Variants in SGCD observed in about 807,000 individuals in gnomAD.
SGCD encodes the protein delta-sarcoglycan.
In SGCD, 18 loss-of-function variants were observed where a neutral mutation model predicts 36.6. The observed-to-expected ratio is 0.49, with a 90% CI of 0.34 to 0.73. The LOEUF (loss-of-function observed/expected upper bound fraction) is 0.73. Among genes scored for constraint, SGCD ranks in the 30% least tolerant of loss-of-function variants. The probability of loss-of-function intolerance (pLI) is 0.01; values close to 1 mark genes in which losing one functional copy is unlikely to be tolerated. For missense variants in SGCD, 387 were observed against 346.7 expected (o/e 1.12, Z -0.92); for synonymous variants, 133 against 130.6 (o/e 1.02, Z -0.12).
intron 3 of SGCD, among the ~76,000 whole-genome samples, chr5:156,252,268 G>T (rs1204535877): frequency 4.0e-5 from 6 of 151,678 alleles, no homozygotes; most frequent in Non-Finnish European, 1.5e-5. Flanking sequence ...GTAGAGATGG[G>T]GTTTCTCCAT....
chr5:155,923,921 G>A (rs1756941728), intron 1 of SGCD, among the ~76,000 whole-genome samples: 1 of 152,138 alleles, frequency 6.6e-6, no homozygotes, highest in Non-Finnish European at 1.5e-5. Context: ...TCAATTTAGA[G>A]TTCCCACACT....
At chr5:156,468,489 A>G (rs1247214168) in intron 3 of SGCD, among the ~76,000 whole-genome samples, 1 of 152,180 alleles carries the variant, frequency 6.6e-6, no homozygotes, top group Non-Finnish European at 1.5e-5. Context: ...CTAAAAGTAG[A>G]AATAATTATT....
intron 7 of SGCD, among the ~76,000 whole-genome samples, chr5:156,693,379 A>G (rs1033898938): frequency 9.2e-5 from 14 of 152,126 alleles, no homozygotes; most frequent in African/African-American, 3.4e-4. Flanking sequence ...CTGACTGCCT[A>G]TAGAGAAGGA....
chr5:156,460,088 G>A (rs1386509363), intron 3 of SGCD, among the ~76,000 whole-genome samples: 1 of 152,136 alleles, frequency 6.6e-6, no homozygotes, highest in Non-Finnish European at 1.5e-5. Context: ...AGGTCAATTA[G>A]AACAATGATG....
intron 3 of SGCD, among the ~76,000 whole-genome samples, chr5:156,490,148 G>A (rs1755871217): frequency 6.6e-6 from 1 of 151,962 alleles, no homozygotes; most frequent in African/African-American, 2.4e-5. Flanking sequence ...AATGAACAAA[G>A]ATTGAACCAG....
chr5:156,017,173 A>G (rs1759002287), intron 1 of SGCD, among the ~76,000 whole-genome samples: 1 of 152,214 alleles, frequency 6.6e-6, no homozygotes, highest in South Asian at 2.1e-4. Context: ...ATCTAAAAAT[A>G]TCTTTGTAAA....
intron 3 of SGCD, among the ~76,000 whole-genome samples, chr5:156,257,723 G>T (rs1765751182): frequency 6.6e-6 from 1 of 151,956 alleles, no homozygotes; most frequent in South Asian, 2.1e-4. Context: ...AATTAGTCAG[G>T]TGTGATAGGG....
rs537867446 is a variant in SGCD, at chr5:156,641,348, A to G, written c.503-6116A>G. Among the ~76,000 whole-genome samples the G allele has an allele frequency of 1.2e-4, 18 of 152,312 alleles. No individual in the cohort carries two copies. In the East Asian group the frequency reaches 3.5e-3, roughly 29 times the overall value. On this transcript the variant is annotated intron_variant, in intron 6 of 8. Transcript: ENST00000337851. ...TACAGAGACAAAAACTATATCTCAC[A>G]TATGTTGGAAATCTTTAAACAGTGG...
At chr5:156,304,809 G>T (rs767403626) in intron 3 of SGCD, among the ~76,000 whole-genome samples, 1 of 152,154 alleles carries the variant, frequency 6.6e-6, no homozygotes, top group Non-Finnish European at 1.5e-5. Context: ...AGTCTGAAGT[G>T]GTCTCAGATG....
intron 6 of SGCD, among the ~76,000 whole-genome samples, chr5:156,645,284 A>G (rs772079513): frequency 4.6e-5 from 7 of 152,154 alleles, no homozygotes; most frequent in Non-Finnish European, 8.8e-5. Context: ...AAAATTGAGA[A>G]TAATTCATTA....
intron 7 of SGCD, among the ~76,000 whole-genome samples, chr5:156,713,459 G>A (rs766851790): frequency 6.6e-6 from 1 of 151,852 alleles, no homozygotes; most frequent in Non-Finnish European, 1.5e-5. Context: ...TGGGAGTGAA[G>A]GGGTCCTGTT....
chr5:156,453,565 T>C (rs1416689791), intron 3 of SGCD, among the ~76,000 whole-genome samples: 1 of 152,194 alleles, frequency 6.6e-6, no homozygotes, highest in East Asian at 1.9e-4. Flanking sequence ...TTTTGCTCTC[T>C]GAGGGGACAT....
chr5:156,673,191 G>A (rs574941827), intron 7 of SGCD, among the ~76,000 whole-genome samples: 92 of 152,324 alleles, frequency 6.0e-4, no homozygotes, highest in African/African-American at 2.1e-3. Flanking sequence ...TTATGAAGGA[G>A]GGCTGTCAAA....
At chr5:156,248,610 C>T (rs529813664) in intron 3 of SGCD, among the ~76,000 whole-genome samples, 5 of 152,180 alleles carry the variant, frequency 3.3e-5, no homozygotes, top group East Asian at 1.9e-4. Context: ...TAGAAGCTAC[C>T]TCATGCTGGG....
chr5:156,578,472 T>C (rs1224955317), intron 4 of SGCD, among the ~76,000 whole-genome samples: 1 of 152,204 alleles, frequency 6.6e-6, no homozygotes, highest in Admixed American at 6.5e-5. Context: ...TTGATTGGAA[T>C]AGTTTCAGAA....
At position 156,760,068 on chromosome 5, in the gene SGCD, A is replaced by G. The variant is rs927270220; in HGVS notation, c.*678A>G. The G allele has an allele frequency of 1.3e-5, 2 of 152,174 alleles. No individual in the cohort carries two copies. The highest frequency in any genetic ancestry group is 6.5e-5 in the Admixed American group (1 of 15,280). The allele number at this position is 152,174 out of a possible 1,614,324, so 9.4% of individuals were successfully genotyped here. A position where few individuals can be genotyped will look rare whatever the true frequency, so the allele number is the denominator to read the frequency against. The stretch of plus-strand genomic sequence containing the variant: ...AATTTCAGCAAATTTTGAACTGCTC[A>G]CCCAACTTCTGCTATCTTGCTCCCT... On this transcript the variant is annotated 3_prime_UTR_variant, in exon 9 of 9. Coordinates refer to ENST00000337851, the MANE Select transcript of SGCD (RefSeq NM_000337.6).
intron 1 of SGCD, among the ~76,000 whole-genome samples, chr5:155,964,345 C>G (rs184324531): frequency 6.6e-6 from 1 of 151,974 alleles, no homozygotes; most frequent in Non-Finnish European, 1.5e-5. Context: ...CTTTAGCCTA[C>G]TAACTTTTTT....
At chr5:156,314,542 T>C (rs1767466010) in intron 3 of SGCD, among the ~76,000 whole-genome samples, 1 of 152,078 alleles carries the variant, frequency 6.6e-6, no homozygotes, top group African/African-American at 2.4e-5. Flanking sequence ...ATTATTATAG[T>C]GTCTACTCCA....
At chr5:156,215,041 T>C (rs534187716) in intron 3 of SGCD, among the ~76,000 whole-genome samples, 1 of 152,158 alleles carries the variant, frequency 6.6e-6, no homozygotes, top group Admixed American at 6.5e-5. Flanking sequence ...CCTCAAAATC[T>C]GAAACTTTTT....
Sources: gnomAD v4.1 joint callset for allele counts (sites outside exome capture counted in the v4.1 genomes callset) on GRCh38, gnomAD v4.1.1 for gene constraint, MANE v1.5 for transcripts, NCBI Gene and HGNC (gene_info 2026-07-23, HGNC 2026-07-21) for gene names.